RAB3B: variants seen among roughly 807,000 people sequenced by gnomAD.
RAB3B encodes the protein ras-related protein Rab-3B.
In RAB3B, 11 loss-of-function variants were observed where a neutral mutation model predicts 20.5. The ratio of observed to expected loss-of-function variants is 0.54; its 90% CI spans 0.34 to 0.89. The LOEUF (loss-of-function observed/expected upper bound fraction) is 0.89, where lower values mean the gene tolerates loss of function less well. Among genes scored for constraint, RAB3B ranks in the 40% least tolerant of loss-of-function variants. The probability of loss-of-function intolerance (pLI) is 0.02; values close to 1 mark genes in which losing one functional copy is unlikely to be tolerated. For missense variants in RAB3B, 225 were observed against 280.9 expected (o/e 0.80, Z 1.42); for synonymous variants, 99 against 106.3 (o/e 0.93, Z 0.42).
chr1:51,912,600 TAAA>T lies in RAB3B; in HGVS notation c.*7324_*7326del, dbSNP rs55842249. ...ATATATATATATATATATATATATA[TAAA>T]AAATGTTACTCCTGTGAGACAGAAT... On this transcript the variant is annotated 3_prime_UTR_variant, in exon 5 of 5. Coordinates refer to ENST00000371655, the MANE Select transcript of RAB3B (RefSeq NM_002867.4). 6 of 30,648 alleles carry T rather than the reference TAAA, an allele frequency of 2.0e-4. No homozygotes were observed. The highest frequency in any genetic ancestry group is 3.7e-4 in the African/African-American group (3 of 8,190). 1.9% of individuals were successfully genotyped at this position (30,648 alleles called of 1,614,324 possible). A position where few individuals can be genotyped will look rare whatever the true frequency, so the allele number is the denominator to read the frequency against.
chr1:51,970,947 C>T (rs1001656631), intron 2 of RAB3B, among the ~76,000 whole-genome samples: 4 of 145,678 alleles, frequency 2.7e-5, no homozygotes, highest in Non-Finnish European at 6.0e-5. Flanking sequence ...GGAGGCAGAA[C>T]TTCCAGTCAG....
chr1:51,927,175 T>C (rs562522238), intron 4 of RAB3B, among the ~76,000 whole-genome samples: 36 of 152,168 alleles, frequency 2.4e-4, no homozygotes, highest in Admixed American at 2.2e-3. Flanking sequence ...CACACACAGA[T>C]TTATTGAGCA....
rs142948813 is a variant in RAB3B at position 51,920,230 on chromosome 1, A to T, written c.473-116T>A. On this transcript the variant is annotated intron_variant, in intron 4 of 4. Coordinates refer to ENST00000371655, the MANE Select transcript of RAB3B (RefSeq NM_002867.4). ...TGTCCAGTGCTCAGCAGTGAAGCAAAGAGGCTAAATTCCACGGACATGGGA... is the reference window on the plus strand; with the variant it reads ...TGTCCAGTGCTCAGCAGTGAAGCAATGAGGCTAAATTCCACGGACATGGGA... 66 of 915,132 alleles carry T rather than the reference A, an allele frequency of 7.2e-5. 1 individual carries two copies. In the African/African-American group the frequency reaches 9.5e-4, roughly 13 times the overall value. 56.7% of individuals were successfully genotyped at this position (915,132 alleles called of 1,614,324 possible).
rs192238357 is a variant in RAB3B, at chr1:51,925,669, C to G, written c.473-5555G>C. On this transcript the variant is annotated intron_variant, in intron 4 of 4. Coordinates refer to ENST00000371655, the MANE Select transcript of RAB3B (RefSeq NM_002867.4). ...TTATTCATCTGTGGAATTACTGATC[C>G]CAGAGAAGCTTCACTTTTTCTTCCC... is the stretch of plus-strand genomic sequence containing the variant. Among the ~76,000 whole-genome samples, 12 of 152,256 alleles carry G rather than the reference C, an allele frequency of 7.9e-5. 1 individual carries two copies. In the East Asian group the frequency reaches 2.3e-3, roughly 29 times the overall value.
chr1:51,956,590 C>T (rs1332073795), intron 2 of RAB3B, among the ~76,000 whole-genome samples: 1 of 152,208 alleles, frequency 6.6e-6, no homozygotes, highest in Admixed American at 6.5e-5. Context: ...CTCCATAGGC[C>T]CCAAACATTG....
intron 2 of RAB3B, among the ~76,000 whole-genome samples, chr1:51,972,996 T>C (rs910322432): frequency 6.6e-6 from 1 of 152,202 alleles, no homozygotes; most frequent in African/African-American, 2.4e-5. Flanking sequence ...ATTTAATGTA[T>C]ACAATTTGAT....
chr1:51,955,456 A>G (rs947030068), intron 2 of RAB3B, among the ~76,000 whole-genome samples: 2 of 151,936 alleles, frequency 1.3e-5, no homozygotes, highest in Non-Finnish European at 2.9e-5. Flanking sequence ...CAGTGGCGCA[A>G]TCTTGGCTCA....
intron 2 of RAB3B, among the ~76,000 whole-genome samples, chr1:51,958,338 C>T (rs534804003): frequency 6.6e-6 from 1 of 152,198 alleles, no homozygotes; most frequent in South Asian, 2.1e-4. Context: ...GATGACAAGA[C>T]CTCCTCTTGT....
rs1357648235 is a variant in RAB3B, at chr1:51,919,187, G to C, written c.*740C>G. 1 of 151,830 alleles carries C rather than the reference G, an allele frequency of 6.6e-6. No homozygotes were observed. Among genetic ancestry groups the C allele is most frequent in the African/African-American group, 2.4e-5 (1 of 41,338 alleles). 9.4% of individuals were successfully genotyped at this position (151,830 alleles called of 1,614,324 possible). The stretch of plus-strand genomic sequence containing the variant: ...TTTAGTAGAGACGGGGTTTCACCTT[G>C]TTAGCCAGGATGGTCTCGATCTCCT... On this transcript the variant is annotated 3_prime_UTR_variant, in exon 5 of 5. Coordinates refer to ENST00000371655, the MANE Select transcript of RAB3B (RefSeq NM_002867.4).
intron 1 of RAB3B, among the ~76,000 whole-genome samples, chr1:51,981,415 G>C (rs967515338): frequency 2.6e-5 from 4 of 152,146 alleles, no homozygotes; most frequent in Non-Finnish European, 4.4e-5. Context: ...TTCCATCTCT[G>C]ATTCCTGATC....
chr1:51,990,366 C>A (rs1260798198), intron 1 of RAB3B, among the ~76,000 whole-genome samples, 186 bp downstream of exon 1: 1 of 147,052 alleles, frequency 6.8e-6, no homozygotes. Context: ...TGGGAGACCC[C>A]CTCGGCGCCC....
chr1:51,989,134 T>C (rs199730212), intron 1 of RAB3B, among the ~76,000 whole-genome samples: 2,114 of 20,870 alleles, frequency 0.1, 27 homozygotes, highest in Non-Finnish European at 0.18. Flanking sequence ...CACACACACA[T>C]CCTCTCCTTT....
chr1:51,928,382 C>T (rs1328423955), intron 4 of RAB3B, among the ~76,000 whole-genome samples: 1 of 152,236 alleles, frequency 6.6e-6, no homozygotes, highest in Non-Finnish European at 1.5e-5. Context: ...GCTGGGATTA[C>T]AGGCGTGAGC....
intron 2 of RAB3B, among the ~76,000 whole-genome samples, chr1:51,970,318 C>T (rs1056675879): frequency 5.9e-5 from 9 of 152,018 alleles, no homozygotes; most frequent in African/African-American, 1.9e-4. Context: ...TAGTTGGATC[C>T]GTTGCTGTGG....
rs560889108 is a variant in RAB3B, at chr1:51,956,416, G to A, written c.229-19004C>T. Among the ~76,000 whole-genome samples, 11 of 152,240 alleles carry A rather than the reference G, an allele frequency of 7.2e-5. No individual in the cohort carries two copies. In the South Asian group the frequency reaches 1.9e-3, roughly 26 times the overall value. ...AGAGGCACAGGGAGGTTAAGTACTT[G>A]CCCAGGTTAGCAAATGTCAGAGCTG... On this transcript the variant is annotated intron_variant, in intron 2 of 4. Coordinates refer to ENST00000371655, the MANE Select transcript of RAB3B (RefSeq NM_002867.4).
At chr1:51,925,608 T>C (rs1287848552) in intron 4 of RAB3B, among the ~76,000 whole-genome samples, 1 of 152,216 alleles carries the variant, frequency 6.6e-6, no homozygotes, top group South Asian at 2.1e-4. Flanking sequence ...ATTGCTCATG[T>C]TATTAATCTC....
At chr1:51,936,120 C>T (rs911723910) in intron 3 of RAB3B, among the ~76,000 whole-genome samples, 4 of 152,206 alleles carry the variant, frequency 2.6e-5, no homozygotes, top group African/African-American at 4.8e-5. Flanking sequence ...CCAGCACTGG[C>T]CAGCACTGCT....
chr1:51,967,174 A>C (rs1287277633), intron 2 of RAB3B, among the ~76,000 whole-genome samples: 1 of 152,114 alleles, frequency 6.6e-6, no homozygotes, highest in African/African-American at 2.4e-5. Context: ...TCAGCCAGGC[A>C]TGGTGGTACA....
At chr1:51,952,512 C>T (rs1431116645) in intron 2 of RAB3B, among the ~76,000 whole-genome samples, 2 of 152,116 alleles carry the variant, frequency 1.3e-5, no homozygotes, top group Admixed American at 6.5e-5. Context: ...TAGATCATAG[C>T]ACCTATATCA....
Sources: gnomAD v4.1 joint callset for allele counts (sites outside exome capture counted in the v4.1 genomes callset) on GRCh38, gnomAD v4.1.1 for gene constraint, MANE v1.5 for transcripts, NCBI Gene and HGNC (gene_info 2026-07-23, HGNC 2026-07-21) for gene names.